Variants in THSD4 observed in about 807,000 individuals in gnomAD.
The protein encoded by THSD4 is thrombospondin type 1 domain containing 4, also known as thrombospondin type-1 domain-containing protein 4.
Under a neutral mutation model 119.0 loss-of-function variants are expected in THSD4, and 69 were observed. That is an observed-to-expected ratio of 0.58 (90% CI 0.48 to 0.71). The LOEUF is 0.71. Among genes scored for constraint, THSD4 ranks in the 30% least tolerant of loss-of-function variants. The pLI, the probability that THSD4 is intolerant of heterozygous loss-of-function variation, is 0.00. For synonymous variants in THSD4, 524 were observed against 540.4 expected, an observed-to-expected ratio of 0.97 and a Z score of 0.42; for missense variants, 1,393 against 1,391.1, an observed-to-expected ratio of 1.00 and a Z score of -0.02.
At chr15:71,621,574 TGTTAA>T (rs1421530754) in intron 7 of THSD4, among the ~76,000 whole-genome samples, 2 of 152,180 alleles carry the variant, frequency 1.3e-5, no homozygotes, top group African/African-American at 2.4e-5. Flanking sequence ...TCCATTGGAG[TGTTAA>T]GTTATTGATA....
chr15:71,556,764 T>TTAAA (rs111392019), intron 7 of THSD4, among the ~76,000 whole-genome samples: 11 of 138,606 alleles, frequency 7.9e-5, no homozygotes, highest in Non-Finnish European at 1.5e-4. Flanking sequence ...GACCCTGTCT[T>TTAAA]AAAAAAAAAA....
chr15:71,208,287 C>T (rs1054383258), intron 3 of THSD4, among the ~76,000 whole-genome samples: 3 of 152,100 alleles, frequency 2.0e-5, no homozygotes, highest in Admixed American at 1.3e-4. Flanking sequence ...TGCAAATGTC[C>T]CTGCCTAACA....
intron 6 of THSD4, among the ~76,000 whole-genome samples, chr15:71,398,049 G>T (rs1336451225): frequency 6.6e-6 from 1 of 152,164 alleles, no homozygotes; most frequent in Non-Finnish European, 1.5e-5. Context: ...GAAAGGATTG[G>T]GTGGGGTCTT....
At chr15:71,621,832 T>C (rs1195269364) in intron 7 of THSD4, among the ~76,000 whole-genome samples, 2 of 152,252 alleles carry the variant, frequency 1.3e-5, no homozygotes, top group Non-Finnish European at 2.9e-5. Context: ...GGAGATATTA[T>C]TTTATTACAA....
At chr15:71,710,605 C>T (rs1038555435) in intron 8 of THSD4, among the ~76,000 whole-genome samples, 5 of 152,162 alleles carry the variant, frequency 3.3e-5, no homozygotes, top group African/African-American at 1.2e-4. Flanking sequence ...TCATCTGGCT[C>T]ATACGGTATC....
chr15:71,654,606 T>C (rs2051153542), intron 7 of THSD4, among the ~76,000 whole-genome samples: 1 of 152,170 alleles, frequency 6.6e-6, no homozygotes, highest in Non-Finnish European at 1.5e-5. Context: ...CTAACAGTAA[T>C]AACAGGAAGA....
At chr15:71,253,061 G>A (rs1346295210) in intron 5 of THSD4, among the ~76,000 whole-genome samples, 2 of 152,178 alleles carry the variant, frequency 1.3e-5, no homozygotes, top group Non-Finnish European at 2.9e-5. Context: ...CATACACAGG[G>A]CCATGCCCAT....
At chr15:71,310,565 GCAGGGCCTGCCTATCTAGATTCTT>G (rs1423126792) in intron 6 of THSD4, among the ~76,000 whole-genome samples, 1 of 152,198 alleles carries the variant, frequency 6.6e-6, no homozygotes, top group East Asian at 1.9e-4. Context: ...GGGAAACTCA[GCAGGGCCTGCCTATCTAGATTCTT>G]CTTGGCCTCT....
At chr15:71,633,226 A>C (rs1394169266) in intron 7 of THSD4, among the ~76,000 whole-genome samples, 1 of 151,716 alleles carries the variant, frequency 6.6e-6, no homozygotes, top group Non-Finnish European at 1.5e-5. Context: ...TAGTGCCTTG[A>C]ATCAAAAGCA....
intron 7 of THSD4, among the ~76,000 whole-genome samples, chr15:71,462,328 T>A (rs2047441082): frequency 1.3e-5 from 2 of 152,062 alleles, no homozygotes; most frequent in Admixed American, 6.6e-5. Flanking sequence ...TCTGGCTAAT[T>A]TTTTTTCTTG....
At chr15:71,318,581 G>T (rs754957559) in intron 6 of THSD4, among the ~76,000 whole-genome samples, 1 of 152,168 alleles carries the variant, frequency 6.6e-6, no homozygotes, top group Non-Finnish European at 1.5e-5. Context: ...GTCATTGATG[G>T]TTCAAGAGTT....
At chr15:71,707,107 CAG>C (rs1350594406) in intron 8 of THSD4, among the ~76,000 whole-genome samples, 1 of 152,022 alleles carries the variant, frequency 6.6e-6, no homozygotes, top group African/African-American at 2.4e-5. Flanking sequence ...AAGGGTGAAA[CAG>C]AGGGGAGCCT....
At chr15:71,520,096 T>C (rs2048417979) in intron 7 of THSD4, among the ~76,000 whole-genome samples, 1 of 152,194 alleles carries the variant, frequency 6.6e-6, no homozygotes, top group African/African-American at 2.4e-5. Context: ...TAGATACTAT[T>C]ATTAGCCCCA....
intron 8 of THSD4, among the ~76,000 whole-genome samples, chr15:71,694,788 A>C (rs1302075949): frequency 6.6e-6 from 1 of 152,104 alleles, no homozygotes; most frequent in African/African-American, 2.4e-5. Flanking sequence ...GAGACAGTCC[A>C]TAGCCCCTTG....
intron 7 of THSD4, among the ~76,000 whole-genome samples, chr15:71,584,877 T>TA (rs1247564668): frequency 6.6e-6 from 1 of 152,208 alleles, no homozygotes; most frequent in Non-Finnish European, 1.5e-5. Flanking sequence ...GTTTTTATCT[T>TA]CATGATTTCC....
intron 7 of THSD4, among the ~76,000 whole-genome samples, chr15:71,521,049 A>T (rs1310179211): frequency 1.3e-5 from 2 of 152,224 alleles, no homozygotes; most frequent in African/African-American, 4.8e-5. Flanking sequence ...AGCATCAGAG[A>T]CGAACCTGAA....
intron 4 of THSD4, among the ~76,000 whole-genome samples, chr15:71,220,950 G>A (rs1429469348): frequency 6.6e-6 from 1 of 152,110 alleles, no homozygotes; most frequent in African/African-American, 2.4e-5. Context: ...TCCAGGCTAG[G>A]GGGTTCATCC....
At chr15:71,433,884 A>G (rs1366809221) in intron 7 of THSD4, among the ~76,000 whole-genome samples, 1 of 152,098 alleles carries the variant, frequency 6.6e-6, no homozygotes, top group Non-Finnish European at 1.5e-5. Flanking sequence ...GAGGCTCAAA[A>G]CCAAAGGCAT....
chr15:71,662,697 A>G lies in THSD4; in HGVS notation c.1357+1963A>G, dbSNP rs551176738. ...GGGTGAATATCTACTGGATGTCTGA[A>G]TGGAGGAAGCTCTCGGAGGCTTGTT... On this transcript the variant is annotated intron_variant, in intron 8 of 17. Transcript: ENST00000261862. 3.7e-4 allele frequency among the ~76,000 whole-genome samples: 56 copies of G among 152,252 alleles called. No individual in the cohort carries two copies. The South Asian group carries it at 9.2e-3, about 25-fold the overall frequency.
Sources: allele counts gnomAD v4.1 joint callset (sites outside exome capture counted in the v4.1 genomes callset), GRCh38; gene constraint gnomAD v4.1.1; transcripts MANE v1.5; gene names NCBI Gene and HGNC (gene_info 2026-07-23, HGNC 2026-07-21).